SCRG1: variants seen among roughly 807,000 people sequenced by gnomAD.
SCRG1 encodes scrapie-responsive protein 1.
Under a neutral mutation model 7.7 loss-of-function variants are expected in SCRG1, and 3 were observed. The ratio of observed to expected loss-of-function variants is 0.39; its 90% CI spans 0.18 to 1.01. SCRG1 has a LOEUF of 1.01. Among genes scored for constraint, SCRG1 ranks in the 50% least tolerant of loss-of-function variants. The pLI is 0.36. For missense variants in SCRG1, 110 were observed against 117.2 expected (o/e 0.94, Z 0.28); for synonymous variants, 46 against 41.2 (o/e 1.12, Z -0.44).
At chr4:173,392,960 A>T (rs1739497061) in intron 1 of SCRG1, among the ~76,000 whole-genome samples, 1 of 152,128 alleles carries the variant, frequency 6.6e-6, no homozygotes. Context: ...GCATGGTGGC[A>T]TGCGCCTGTA....
At chr4:173,462,015 G>A in the SCRG1 span, among the ~76,000 whole-genome samples, 1 of 152,026 alleles carries the variant, frequency 6.6e-6, no homozygotes, top group African/African-American at 2.4e-5. Flanking sequence ...AGTCAGAGGA[G>A]AAAAAAGATC....
At chr4:173,406,927 G>A (rs572040950), upstream of SCRG1, among the ~76,000 whole-genome samples, 4 of 152,316 alleles carry the variant, frequency 2.6e-5, no homozygotes, top group African/African-American at 4.8e-5. Flanking sequence ...AGAGGTGCGC[G>A]CTGGGCATGG....
the SCRG1 span, among the ~76,000 whole-genome samples, chr4:173,445,506 CG>C: frequency 6.7e-6 from 1 of 148,588 alleles, no homozygotes; most frequent in South Asian, 2.1e-4. Context: ...CGCTTGAACC[CG>C]GGAGGTGGAG....
the SCRG1 span, among the ~76,000 whole-genome samples, chr4:173,484,140 TAGA>T: frequency 0.014 from 596 of 42,822 alleles, 11 homozygotes; most frequent in African/African-American, 0.036. Context: ...ATATATAATA[TAGA>T]ATATAGAATA....
chr4:173,485,070 T>TATATAATATATTATATATTATATA, the SCRG1 span, among the ~76,000 whole-genome samples: 3 of 7,164 alleles, frequency 4.2e-4, no homozygotes, highest in African/African-American at 7.0e-4. Context: ...TATTATATAT[T>TATATAATATATTATATATTATATA]ATATATTATA....
At chr4:173,492,306 AAG>A in the SCRG1 span, among the ~76,000 whole-genome samples, 1 of 152,106 alleles carries the variant, frequency 6.6e-6, no homozygotes, top group Non-Finnish European at 1.5e-5. Context: ...CTCATGGTGA[AAG>A]AGGCAGCATG....
At chr4:173,460,247 C>A in the SCRG1 span, among the ~76,000 whole-genome samples, 1 of 152,158 alleles carries the variant, frequency 6.6e-6, no homozygotes, top group Non-Finnish European at 1.5e-5. Context: ...CCCTGCCCCA[C>A]CCCAGGCAGC....
chr4:173,496,615 GC>G, the SCRG1 span, among the ~76,000 whole-genome samples: 1 of 152,228 alleles, frequency 6.6e-6, no homozygotes, highest in Non-Finnish European at 1.5e-5. Flanking sequence ...ATCAACTGAA[GC>G]CACATAATGA....
the SCRG1 span, among the ~76,000 whole-genome samples, chr4:173,490,084 A>T: frequency 6.6e-6 from 1 of 152,186 alleles, no homozygotes. Flanking sequence ...AATCTTGCCA[A>T]TTCCATGACA....
upstream of SCRG1, among the ~76,000 whole-genome samples, chr4:173,402,757 G>A (rs1739794150): frequency 6.6e-6 from 1 of 152,138 alleles, no homozygotes. Flanking sequence ...GGCAGTATGG[G>A]GAGAAGCAGC....
chr4:173,476,992 A>C, the SCRG1 span, among the ~76,000 whole-genome samples: 24 of 152,224 alleles, frequency 1.6e-4, no homozygotes, highest in Non-Finnish European at 2.9e-4. Flanking sequence ...GGTGATGTGT[A>C]TGTGTTGGTT....
the SCRG1 span, among the ~76,000 whole-genome samples, chr4:173,506,356 C>T: frequency 2.6e-5 from 4 of 152,248 alleles, no homozygotes; most frequent in East Asian, 3.9e-4. The surrounding 1 kb of genome is among the most constrained non-coding windows in gnomAD (Gnocchi z 5.3). Context: ...AGTGCAGCCC[C>T]GTCTCCCAGG....
chr4:173,390,360 C>A (rs921826303), intron 2 of SCRG1, among the ~76,000 whole-genome samples: 2 of 151,924 alleles, frequency 1.3e-5, no homozygotes, highest in Non-Finnish European at 2.9e-5. Flanking sequence ...CTATCTAGTT[C>A]ATTTCTGGTT....
chr4:173,502,568 T>C, the SCRG1 span, among the ~76,000 whole-genome samples: 7 of 152,178 alleles, frequency 4.6e-5, no homozygotes, highest in African/African-American at 1.7e-4. This position sits in a 1 kb window ranked among gnomAD's most constrained non-coding sequence, Gnocchi z 4.6. Context: ...CAGGTCCCAC[T>C]TGAATGGTGG....
chr4:173,506,605 T>C, the SCRG1 span, among the ~76,000 whole-genome samples: 1 of 152,256 alleles, frequency 6.6e-6, no homozygotes, highest in South Asian at 2.1e-4. This position sits in a 1 kb window ranked among gnomAD's most constrained non-coding sequence, Gnocchi z 5.3. Flanking sequence ...CCTTCCCTCC[T>C]GTCCTGAGGG....
At chr4:173,490,021 A>C in the SCRG1 span, among the ~76,000 whole-genome samples, 1 of 152,218 alleles carries the variant, frequency 6.6e-6, no homozygotes, top group Non-Finnish European at 1.5e-5. Context: ...TTCATAAAGC[A>C]GGTGATTATG....
intron 2 of SCRG1, 60 bp from the exon 3 acceptor site, chr4:173,388,455 T>C (rs1004286290): frequency 1.4e-5 from 17 of 1,179,632 alleles, no homozygotes; most frequent in Middle Eastern, 2.3e-4. Flanking sequence ...AGTTAGTCTA[T>C]TCTAGGTTAA....
the SCRG1 span, among the ~76,000 whole-genome samples, chr4:173,423,142 A>G: frequency 1.3e-5 from 2 of 152,226 alleles, no homozygotes; most frequent in Non-Finnish European, 2.9e-5. Flanking sequence ...CTATTAATAT[A>G]CTAAGTGTAC....
chr4:173,455,914 A>G, the SCRG1 span, among the ~76,000 whole-genome samples: 4 of 152,182 alleles, frequency 2.6e-5, no homozygotes, highest in Non-Finnish European at 5.9e-5. Context: ...GTTGCCCTCA[A>G]ATATTTTGAG....
Sources: gnomAD v4.1 joint callset for allele counts (sites outside exome capture counted in the v4.1 genomes callset) on GRCh38, gnomAD v4.1.1 for gene constraint, Gnocchi (gnomAD v3.1) non-coding constraint, MANE v1.5 for transcripts, NCBI Gene and HGNC (gene_info 2026-07-23, HGNC 2026-07-21) for gene names.